The following RNLS variants were observed in gnomAD, a reference collection of about 807,000 sequenced individuals.
The protein encoded by RNLS is renalase.
RNLS carries 39 observed loss-of-function variants against 39.8 expected under a neutral mutation model. The observed-to-expected ratio is 0.98, with a 90% CI of 0.76 to 1.28. RNLS has a LOEUF of 1.28. RNLS is among the 50% of genes most tolerant of loss of function. RNLS has a pLI of 0.00. For synonymous variants in RNLS, 147 were observed against 150.7 expected (o/e 0.98, Z 0.18); for missense variants, 410 against 413.3 (o/e 0.99, Z 0.07).
intron 4 of RNLS, among the ~76,000 whole-genome samples, chr10:88,405,736 A>G (rs1377444486): frequency 1.3e-5 from 2 of 151,934 alleles, no homozygotes; most frequent in Non-Finnish European, 1.5e-5. Context: ...TGCATTCATC[A>G]TGCTCTTTAT....
intron 6 of RNLS, among the ~76,000 whole-genome samples, chr10:88,293,052 CAAAT>C (rs921093554): frequency 2.0e-5 from 3 of 151,830 alleles, no homozygotes; most frequent in African/African-American, 7.3e-5. Context: ...TGTCTCAAAA[CAAAT>C]AACAAGAAAC....
intron 4 of RNLS, among the ~76,000 whole-genome samples, chr10:88,378,980 T>A (rs1589690838): frequency 1.3e-5 from 2 of 152,152 alleles, no homozygotes; most frequent in South Asian, 4.1e-4. Context: ...CACTATAAAG[T>A]ATTATGTACT....
intron 4 of RNLS, among the ~76,000 whole-genome samples, chr10:88,397,436 C>A (rs1421312694): frequency 6.6e-6 from 1 of 151,654 alleles, no homozygotes; most frequent in African/African-American, 2.4e-5. Context: ...AAAATGAAAA[C>A]ACAATATACC....
intron 4 of RNLS, among the ~76,000 whole-genome samples, chr10:88,477,573 C>G (rs1432929354): frequency 6.6e-6 from 1 of 152,086 alleles, no homozygotes; most frequent in Non-Finnish European, 1.5e-5. Context: ...GCAACGATGA[C>G]AAGGATGATA....
chr10:88,385,656 A>G (rs566085912), intron 4 of RNLS, among the ~76,000 whole-genome samples: 1 of 152,318 alleles, frequency 6.6e-6, no homozygotes, highest in African/African-American at 2.4e-5. Context: ...CCTCCTGTGC[A>G]TACTCTATGG....
intron 4 of RNLS, among the ~76,000 whole-genome samples, chr10:88,551,683 CA>C (rs113821413): frequency 1.3e-3 from 177 of 140,004 alleles, no homozygotes; most frequent in East Asian, 3.7e-3. Flanking sequence ...TGACTGGTTG[CA>C]AAAAAAAAAA....
At chr10:88,192,606 C>T in the RNLS span, among the ~76,000 whole-genome samples, 1 of 152,180 alleles carries the variant, frequency 6.6e-6, no homozygotes. Flanking sequence ...TTTTGTGGAA[C>T]ACCTAATATG....
chr10:88,261,893 A>G, the RNLS span, among the ~76,000 whole-genome samples: 3 of 152,190 alleles, frequency 2.0e-5, no homozygotes, highest in Non-Finnish European at 2.9e-5. Flanking sequence ...AGAGCAGAAG[A>G]GAATCAATGT....
Position 88,314,558 on chromosome 10 carries a change from C to T in RNLS, c.784G>A (p.Val262Met). The T allele has an allele frequency of 6.2e-7, 1 of 1,613,996 alleles. No homozygotes were observed. Among genetic ancestry groups the T allele is most frequent in the Non-Finnish European group, 8.5e-7 (1 of 1,179,902 alleles). The change falls in exon 6 of 7, where the codon GTG becomes ATG. Residue 262 changes from valine (V) to methionine (M), a missense_variant. Transcript: ENST00000331772. The part of the protein sequence containing the change: ...VTYLEHSIED[V>M]QELVFQQLEN... ...AGCTGCTGGAAGACTAACTCTTGCA[C>T]ATCCTCAATGCTGTGTTCCAAGTAT...
At chr10:88,319,712 T>G (rs1320700783) in intron 5 of RNLS, among the ~76,000 whole-genome samples, 5 of 151,974 alleles carry the variant, frequency 3.3e-5, no homozygotes, top group African/African-American at 1.2e-4. Context: ...ATGTGGTCTT[T>G]CAAATTAATC....
intron 4 of RNLS, among the ~76,000 whole-genome samples, chr10:88,550,933 G>C (rs1276282602): frequency 1.3e-5 from 2 of 152,192 alleles, no homozygotes; most frequent in African/African-American, 2.4e-5. Context: ...TAACCATTTA[G>C]AGGCTGATAT....
At chr10:88,217,738 G>GAAAAAAAAAAAAAAAAAAA in the RNLS span, among the ~76,000 whole-genome samples, 1 of 97,596 alleles carries the variant, frequency 1.0e-5, no homozygotes. Context: ...GCCTTCAAAT[G>GAAAAAAAAAAAAAAAAAAA]AAAAAAAAAA....
At chr10:88,412,586 A>T (rs1444171690) in intron 4 of RNLS, among the ~76,000 whole-genome samples, 1 of 152,166 alleles carries the variant, frequency 6.6e-6, no homozygotes, top group East Asian at 1.9e-4. Flanking sequence ...AAAAAAAAAT[A>T]CCTGAGCAAA....
At chr10:88,575,241 T>TAC (rs1850130875) in intron 3 of RNLS, among the ~76,000 whole-genome samples, 1 of 145,190 alleles carries the variant, frequency 6.9e-6, no homozygotes, top group East Asian at 2.0e-4. Flanking sequence ...TATACACATA[T>TAC]ATATACACCA....
At chr10:88,573,407 T>C (rs1047340589) in intron 3 of RNLS, among the ~76,000 whole-genome samples, 2 of 152,200 alleles carry the variant, frequency 1.3e-5, no homozygotes, top group Non-Finnish European at 2.9e-5. Context: ...AGGAAATAGA[T>C]TGAGAAATAG....
the RNLS span, among the ~76,000 whole-genome samples, chr10:88,222,210 C>T: frequency 6.6e-6 from 1 of 152,154 alleles, no homozygotes; most frequent in African/African-American, 2.4e-5. Context: ...GTCTGGTCAG[C>T]TTGGCTCGTC....
chr10:88,305,746 C>A (rs530793835), intron 6 of RNLS, among the ~76,000 whole-genome samples: 4 of 152,242 alleles, frequency 2.6e-5, no homozygotes, highest in African/African-American at 7.2e-5. Flanking sequence ...TTTAACACCC[C>A]ACTGATAACA....
chr10:88,473,898 G>A (rs903246301), intron 4 of RNLS, among the ~76,000 whole-genome samples: 1 of 151,854 alleles, frequency 6.6e-6, no homozygotes, highest in African/African-American at 2.4e-5. Flanking sequence ...TTTCATAAAT[G>A]AGTCTTTTCT....
intron 6 of RNLS, among the ~76,000 whole-genome samples, chr10:88,296,773 G>A (rs1231315387): frequency 6.6e-6 from 1 of 152,044 alleles, no homozygotes; most frequent in African/African-American, 2.4e-5. Context: ...AAATAACAGA[G>A]AACATTTCCA....
Sources: allele counts gnomAD v4.1 joint callset (sites outside exome capture counted in the v4.1 genomes callset), GRCh38; gene constraint gnomAD v4.1.1; transcripts MANE v1.5; gene names NCBI Gene and HGNC (gene_info 2026-07-23, HGNC 2026-07-21).